The following EPB41L1 variants were observed in gnomAD, a reference collection of about 807,000 sequenced individuals.
EPB41L1 encodes erythrocyte membrane protein band 4.1 like 1.
Under a neutral mutation model 97.8 loss-of-function variants are expected in EPB41L1, and 29 were observed. The ratio of observed to expected loss-of-function variants is 0.30; its 90% confidence interval spans 0.22 to 0.40. The LOEUF (loss-of-function observed/expected upper bound fraction) is 0.40, where lower values mean the gene tolerates loss of function less well. Ranked by LOEUF, EPB41L1 falls within the 10% of genes least tolerant of loss-of-function variation. The probability of loss-of-function intolerance (pLI) is 1.00; values close to 1 mark genes in which losing one functional copy is unlikely to be tolerated. For missense variants in EPB41L1, 812 were observed against 1,162.3 expected (o/e 0.70, Z 4.38); for synonymous variants, 383 against 459.2 (o/e 0.83, Z 2.12).
chr20:36,134,111 T>C (rs1254067245), intron 2 of EPB41L1, among the ~76,000 whole-genome samples: 5 of 152,182 alleles, frequency 3.3e-5, no homozygotes, highest in Non-Finnish European at 5.9e-5. Flanking sequence ...GAAGGGCCAC[T>C]CAGCTAGGAA....
In EPB41L1 at chr20:36,093,319, G is replaced by A. The variant is rs1045588463; in HGVS notation, c.-65+1707G>A. On this transcript the variant is annotated intron_variant, in intron 1 of 19. Transcript: ENST00000202028. This position sits in a 1 kb window ranked among gnomAD's most constrained non-coding sequence, Gnocchi z 5.4. ...CTTGTGGCTGCAGCCTGTGGCGGGT[G>A]TGGGTGTGTGTGTGCGCGCGCGTCG... Among the ~76,000 whole-genome samples, 23 of 150,858 alleles carry A rather than the reference G, an allele frequency of 1.5e-4. No homozygotes were observed. The highest frequency in any genetic ancestry group is 2.4e-4 in the Non-Finnish European group (16 of 67,578).
chr20:36,200,426 G>T (rs2062435068), intron 14 of EPB41L1, among the ~76,000 whole-genome samples: 1 of 151,962 alleles, frequency 6.6e-6, no homozygotes, highest in African/African-American at 2.4e-5. Flanking sequence ...GGCCTCATCT[G>T]GGCCAAGGGG....
chr20:36,187,831 C>T, intron 8 of EPB41L1, 68 bp downstream of exon 8: 3 of 1,421,318 alleles, frequency 2.1e-6, no homozygotes, highest in Non-Finnish European at 2.9e-6. Context: ...AGGCCTTTCC[C>T]TAGGGCGTGG....
At chr20:36,219,137 A>G (rs771516366) in intron 18 of EPB41L1, among the ~76,000 whole-genome samples, 175 bp downstream of exon 18, 26 of 152,178 alleles carry the variant, frequency 1.7e-4, no homozygotes, top group Non-Finnish European at 3.7e-4. Context: ...GCCTGCTAGA[A>G]TCTCATGAGT....
chr20:36,104,787 G>A (rs1334518754), intron 1 of EPB41L1, among the ~76,000 whole-genome samples: 1 of 152,194 alleles, frequency 6.6e-6, no homozygotes, highest in Non-Finnish European at 1.5e-5. Context: ...CTCATGCCAC[G>A]CTATGCAGGT....
chr20:36,201,962 T>C (rs1015377812), intron 14 of EPB41L1, among the ~76,000 whole-genome samples: 1 of 152,224 alleles, frequency 6.6e-6, no homozygotes, highest in East Asian at 1.9e-4. Flanking sequence ...GCTGGAACTT[T>C]AAGAAAGACA....
At chr20:36,174,447 A>G (rs1157155764) in intron 2 of EPB41L1, among the ~76,000 whole-genome samples, 6 of 151,696 alleles carry the variant, frequency 4.0e-5, no homozygotes, top group Admixed American at 2.6e-4. Flanking sequence ...TAATTTATAT[A>G]TTTTTAGTAA....
At chr20:36,175,475 A>C in intron 2 of EPB41L1, 76 bp from the exon 3 acceptor site, 1 of 1,569,018 alleles carries the variant, frequency 6.4e-7, no homozygotes, top group East Asian at 2.2e-5. Context: ...AGATGCCTCT[A>C]TATTGCTTCT....
Position 36,190,310 on chromosome 20 carries a change from C to G in EPB41L1, c.1060C>G (p.Leu354Val). The change falls in exon 10 of 22, where the codon CTC becomes GTC. Residue 354 changes from leucine to valine, a missense_variant. Coordinates refer to ENST00000338074, the MANE Select transcript of EPB41L1 (RefSeq NM_012156.2). This position sits in a 1 kb window ranked among gnomAD's most constrained non-coding sequence, Gnocchi z 5.8. The part of the protein sequence containing the change: ...EQFESTIGFK[L>V]PNHRSAKRLW... ...ATTTGAGAGCACAATTGGCTTTAAG[C>G]TCCCAAACCACCGGTCAGCCAAGAG... 1.9e-6 allele frequency: 3 copies of G among 1,614,220 alleles called. No individual in the cohort carries two copies. Among genetic ancestry groups the G allele is most frequent in the Non-Finnish European group, 2.5e-6 (3 of 1,180,046 alleles).
chr20:36,210,179 C>G (rs374804688), intron 15 of EPB41L1, among the ~76,000 whole-genome samples: 4 of 152,168 alleles, frequency 2.6e-5, no homozygotes, highest in East Asian at 1.9e-4. Flanking sequence ...CATGCCCCCC[C>G]ACCTGTGTTG....
In EPB41L1 at chr20:36,218,866, G is replaced by A; in HGVS notation, c.2269-10G>A. The A allele has an allele frequency of 1.9e-6, 3 of 1,613,962 alleles. No individual in the cohort carries two copies. Among genetic ancestry groups the A allele is most frequent in the Non-Finnish European group, 2.5e-6 (3 of 1,179,962 alleles). The stretch of plus-strand genomic sequence containing the variant: ...GAGAGCTGGCCATCTGAGCACTATT[G>A]TTTCCCCAGGAGAACAGTCTCAAGT... On this transcript the variant is annotated splice_polypyrimidine_tract_variant and intron_variant, in intron 17 of 21. Coordinates refer to ENST00000338074, the MANE Select transcript of EPB41L1 (RefSeq NM_012156.2).
chr20:36,221,860 G>C lies in EPB41L1; in HGVS notation c.2440-4G>C. ...AGTGACCTCACCTCCCTCTCCCTCT[G>C]CAGACTGTGAAAGGAGGGTTTTCTG... On this transcript the variant is annotated splice_polypyrimidine_tract_variant and splice_region_variant and intron_variant, in intron 19 of 21. Coordinates refer to ENST00000338074, the MANE Select transcript of EPB41L1 (RefSeq NM_012156.2). The C allele has an allele frequency of 6.2e-7, 1 of 1,614,078 alleles. No individual in the cohort carries two copies. The highest frequency in any genetic ancestry group is 8.5e-7 in the Non-Finnish European group (1 of 1,179,960).
At chr20:36,227,342 G>C (rs1319434702) in intron 21 of EPB41L1, among the ~76,000 whole-genome samples, 3 of 152,066 alleles carry the variant, frequency 2.0e-5, no homozygotes, top group Non-Finnish European at 4.4e-5. Flanking sequence ...ACGAAACGAA[G>C]GAAGGAAGGA....
chr20:36,109,403 C>A (rs2058314706), intron 1 of EPB41L1, among the ~76,000 whole-genome samples: 1 of 152,180 alleles, frequency 6.6e-6, no homozygotes, highest in South Asian at 2.1e-4. Flanking sequence ...GAGGGGATGG[C>A]CTGAGAAATA....
chr20:36,194,291 G>A lies in EPB41L1; in HGVS notation c.1380G>A (p.Glu460=). The change falls in exon 12 of 22, where the codon GAG becomes GAA. Residue 460 remains glutamate (E), a synonymous_variant. Transcript: ENST00000338074. ...GTGACAAGCGGGATGAGGATGGCGA[G>A]TCTGGGGGGCAACGGTCAGAGGCTG... The part of the protein sequence containing the change: ...PDGDKRDEDG[E]SGGQRSEAEE... The A allele has an allele frequency of 2.5e-6, 4 of 1,614,222 alleles. No homozygotes were observed. The highest frequency in any genetic ancestry group is 3.4e-6 in the Non-Finnish European group (4 of 1,180,028).
chr20:36,103,270 G>C (rs1016496359), intron 1 of EPB41L1, among the ~76,000 whole-genome samples: 1 of 152,176 alleles, frequency 6.6e-6, no homozygotes, highest in Non-Finnish European at 1.5e-5. Context: ...CTAGCATGGG[G>C]CTGTGCACAG....
intron 17 of EPB41L1, among the ~76,000 whole-genome samples, chr20:36,217,345 A>G (rs910681172): frequency 6.6e-6 from 1 of 152,192 alleles, no homozygotes; most frequent in Non-Finnish European, 1.5e-5. Flanking sequence ...GGTGGCCCAG[A>G]GAGCGGGTGG....
Position 36,203,170 on chromosome 20 carries a change from A to G in EPB41L1, c.1668+5129A>G, listed in dbSNP as rs553754970. Reference sequence around the variant, plus strand: ...CCCCTCGGGCCAGGTGTGTGGCTCTACCCGTGCCTTCGCACCGTGGAAGTT... The same window carrying G: ...CCCCTCGGGCCAGGTGTGTGGCTCTGCCCGTGCCTTCGCACCGTGGAAGTT... On this transcript the variant is annotated intron_variant, in intron 14 of 21. Transcript: ENST00000338074. Among the ~76,000 whole-genome samples the G allele has an allele frequency of 1.6e-4, 25 of 152,278 alleles. No individual in the cohort carries two copies. In the South Asian group the frequency reaches 5.2e-3, roughly 32 times the overall value.
At chr20:36,178,148 C>A in intron 4 of EPB41L1, 92 bp downstream of exon 4, 1 of 929,568 alleles carries the variant, frequency 1.1e-6, no homozygotes, top group Non-Finnish European at 1.8e-6. Flanking sequence ...GTGCTCAAAT[C>A]ATTAAGCATC....
Sources: allele counts gnomAD v4.1 joint callset (sites outside exome capture counted in the v4.1 genomes callset), GRCh38; gene constraint gnomAD v4.1.1; non-coding constraint Gnocchi (gnomAD v3.1); transcripts MANE v1.5; gene names NCBI Gene and HGNC (gene_info 2026-07-23, HGNC 2026-07-21).